Variants in COL4A4 observed in about 807,000 individuals in gnomAD.
The protein encoded by COL4A4 is collagen alpha-4(IV) chain.
A neutral mutation model predicts 192.9 loss-of-function variants in COL4A4; 105 were observed. The observed-to-expected ratio is 0.54, with a 90% CI of 0.46 to 0.64. The LOEUF is 0.64. Among genes scored for constraint, COL4A4 ranks in the 30% least tolerant of loss-of-function variants. The pLI is 0.00. For missense variants in COL4A4, 1,967 were observed against 2,169.3 expected (o/e 0.91, Z 1.85); for synonymous variants, 762 against 769.9 (o/e 0.99, Z 0.17).
At chr2:227,036,675 T>G (rs897097377) in intron 37 of COL4A4, among the ~76,000 whole-genome samples, 1 of 152,174 alleles carries the variant, frequency 6.6e-6, no homozygotes, top group Non-Finnish European at 1.5e-5. Flanking sequence ...CTGCCCCAAA[T>G]GTACCTCCTG....
chr2:227,054,410 G>A (rs562528857), intron 31 of COL4A4, among the ~76,000 whole-genome samples, 184 bp downstream of exon 31: 1 of 152,206 alleles, frequency 6.6e-6, no homozygotes, highest in Non-Finnish European at 1.5e-5. Context: ...CCATCTATAT[G>A]TAATAAGATT....
chr2:227,080,632 G>T, intron 23 of COL4A4, 83 bp from the exon 24 acceptor site: 1 of 1,234,986 alleles, frequency 8.1e-7, no homozygotes, highest in South Asian at 1.2e-5. Flanking sequence ...TAAAGAAAAT[G>T]ACCTTGATTC....
At chr2:227,103,289 GTTTCACC>G in intron 13 of COL4A4, 92 bp from the exon 14 acceptor site, 1 of 1,035,332 alleles carries the variant, frequency 9.7e-7, no homozygotes, top group Non-Finnish European at 1.5e-6. Context: ...TTTACAATCT[GTTTCACC>G]TTAAAAAAAA....
rs746310187 is a variant in COL4A4, at chr2:227,080,445, G to C, written c.1801C>G (p.Pro601Ala). 6.2e-7 allele frequency: 1 copy of C among 1,613,014 alleles called. No individual in the cohort carries two copies. Among genetic ancestry groups the C allele is most frequent in the Non-Finnish European group, 8.5e-7 (1 of 1,179,010 alleles). ...AGCAAGAGAAGAATTCTACATACTG[G>C]AGGTCCTGGATCCCCTTTTTCTCCA... ...HAGEKGDPGP[P>A]GDHEDATPGG... The change falls in exon 24 of 48, where the codon CCA (proline) becomes GCA (alanine). Residue 601 changes from proline (P) to alanine (A), a missense_variant and splice_region_variant. Coordinates refer to ENST00000396625, the MANE Select transcript of COL4A4 (RefSeq NM_000092.5).
chr2:227,092,559 GT>G (rs754672451), intron 20 of COL4A4, among the ~76,000 whole-genome samples: 5 of 152,196 alleles, frequency 3.3e-5, no homozygotes, highest in Non-Finnish European at 7.3e-5. Context: ...TAGTTAATGA[GT>G]TAGAGTGTAT....
chr2:227,056,167 C>T, intron 29 of COL4A4, 52 bp from the exon 30 acceptor site: 1 of 1,510,976 alleles, frequency 6.6e-7, no homozygotes, highest in South Asian at 1.1e-5. Flanking sequence ...ACTGGCTTCA[C>T]ACACAGCAGG....
Position 227,031,993 on chromosome 2 carries a change from G to C in COL4A4, c.3769C>G (p.Pro1257Ala), listed in dbSNP as rs374113580. The C allele has an allele frequency of 1.9e-6, 3 of 1,613,922 alleles. No homozygotes were observed. The highest frequency in any genetic ancestry group is 2.5e-6 in the Non-Finnish European group (3 of 1,179,878). The change falls in exon 40 of 48, where the codon CCG becomes GCG. Residue 1257 changes from proline (P) to alanine (A), a missense_variant. Coordinates refer to ENST00000396625, the MANE Select transcript of COL4A4 (RefSeq NM_000092.5). ...GGTCCCTGATCTCCAGGTGGACCCG[G>C]GTCAGGAATGTCCTTAGGAGCTCTT... ...TGRAPKDIPD[P>A]GPPGDQGPPG...
the COL4A4 span, among the ~76,000 whole-genome samples, chr2:226,984,886 T>C: frequency 6.6e-6 from 1 of 150,708 alleles, no homozygotes; most frequent in South Asian, 2.1e-4. Flanking sequence ...AGATGGGCCT[T>C]TTATCTCACT....
intron 44 of COL4A4, 132 bp from the exon 45 acceptor site, chr2:227,012,429 A>C (rs1020270651): frequency 2.7e-6 from 2 of 737,822 alleles, no homozygotes; most frequent in African/African-American, 3.5e-5. Flanking sequence ...GCATCAGCTC[A>C]TTTAGTCTTT....
the COL4A4 span, among the ~76,000 whole-genome samples, chr2:226,972,731 G>T: frequency 1.3e-5 from 2 of 152,104 alleles, no homozygotes; most frequent in Non-Finnish European, 2.9e-5. Context: ...CTGGTCTCTC[G>T]AGTCCAGGGG....
chr2:227,050,481 C>T (rs1459095257), intron 33 of COL4A4, among the ~76,000 whole-genome samples: 1 of 152,130 alleles, frequency 6.6e-6, no homozygotes, highest in Non-Finnish European at 1.5e-5. Context: ...TTTACAAATC[C>T]ATTTCATTCC....
At chr2:227,070,477 C>G (rs2058646679) in intron 25 of COL4A4, among the ~76,000 whole-genome samples, 1 of 151,728 alleles carries the variant, frequency 6.6e-6, no homozygotes, top group Admixed American at 6.6e-5. Context: ...CCCAAATGTC[C>G]AACAATGATA....
chr2:227,005,853 C>A lies in COL4A4; in HGVS notation c.*1472G>T, dbSNP rs1961974200. 1 of 152,088 alleles carries A rather than the reference C, an allele frequency of 6.6e-6. No individual in the cohort carries two copies. The highest frequency in any genetic ancestry group is 2.4e-5 in the African/African-American group (1 of 41,400). The allele number at this position is 152,088 out of a possible 1,614,324, so 9.4% of individuals were successfully genotyped here. A position where few individuals can be genotyped will look rare whatever the true frequency, so the allele number is the denominator to read the frequency against. On this transcript the variant is annotated 3_prime_UTR_variant, in exon 48 of 48. Coordinates refer to ENST00000396625, the MANE Select transcript of COL4A4 (RefSeq NM_000092.5). ...TCTTTTAGATGAGGAAGGTGAGTTT[C>A]CTAAAAATTTTTTCCAACAAATCTT...
intron 26 of COL4A4, 60 bp downstream of exon 26, chr2:227,062,470 C>T (rs1032151655): frequency 5.9e-6 from 6 of 1,023,926 alleles, no homozygotes; most frequent in Non-Finnish European, 9.0e-6. Context: ...ATCTGTCTGG[C>T]TGGTTTTTTT....
chr2:226,993,680 G>C, the COL4A4 span, among the ~76,000 whole-genome samples: 1 of 152,178 alleles, frequency 6.6e-6, no homozygotes, highest in South Asian at 2.1e-4. Flanking sequence ...CTCTCAACAG[G>C]AAAGGAGAAT....
intron 9 of COL4A4, among the ~76,000 whole-genome samples, chr2:227,111,068 C>T (rs75248630): frequency 1.3e-5 from 2 of 152,168 alleles, no homozygotes; most frequent in African/African-American, 4.8e-5. Context: ...GGGCGGCCCT[C>T]GGTGCCCCTA....
At chr2:227,024,460 A>G (rs1437065419) in intron 43 of COL4A4, among the ~76,000 whole-genome samples, 1 of 152,208 alleles carries the variant, frequency 6.6e-6, no homozygotes, top group Non-Finnish European at 1.5e-5. Flanking sequence ...TGGAATCGCC[A>G]GCCTGGGCAG....
At chr2:227,103,867 TG>T in intron 13 of COL4A4, 104 bp downstream of exon 13, 1 of 807,172 alleles carries the variant, frequency 1.2e-6, no homozygotes, top group South Asian at 1.4e-5. Flanking sequence ...TTGAAACTAG[TG>T]CAGTGATGCA....
chr2:227,118,465 A>AAAGTCCTGCATGTTCT (rs1325019053), intron 7 of COL4A4, among the ~76,000 whole-genome samples, 180 bp downstream of exon 7: 2 of 152,118 alleles, frequency 1.3e-5, no homozygotes, highest in African/African-American at 2.4e-5. Context: ...CATCATCCAC[A>AAAGTCCTGCATGTTCT]AAGTCCTGCA....
Sources: allele counts gnomAD v4.1 joint callset (sites outside exome capture counted in the v4.1 genomes callset), GRCh38; gene constraint gnomAD v4.1.1; transcripts MANE v1.5; gene names NCBI Gene and HGNC (gene_info 2026-07-23, HGNC 2026-07-21).